The following FAM120A variants were observed in gnomAD, a reference collection of about 807,000 sequenced individuals.
FAM120A encodes constitutive coactivator of PPAR-gamma-like protein 1.
Under a neutral mutation model 109.7 loss-of-function variants are expected in FAM120A, and 15 were observed. That is an observed-to-expected ratio of 0.14 (90% CI 0.09 to 0.21). The LOEUF (loss-of-function observed/expected upper bound fraction) is 0.21. Among genes scored for constraint, FAM120A ranks in the 10% least tolerant of loss-of-function variants. FAM120A has a pLI of 1.00. For missense variants in FAM120A, 899 were observed against 1,439.3 expected (o/e 0.62, Z 6.07); for synonymous variants, 493 against 572.8 (o/e 0.86, Z 1.99).
At chr9:93,510,906 CG>C (rs1860288367) in intron 5 of FAM120A, among the ~76,000 whole-genome samples, 2 of 151,196 alleles carry the variant, frequency 1.3e-5, no homozygotes, top group Admixed American at 1.3e-4. Context: ...CGAATGATGC[CG>C]TATCTCGTGA....
At chr9:93,501,388 T>C (rs918493594) in intron 5 of FAM120A, among the ~76,000 whole-genome samples, 8 of 152,250 alleles carry the variant, frequency 5.3e-5, no homozygotes, top group African/African-American at 1.9e-4. Flanking sequence ...TTTGTGTTCT[T>C]ATCAAATTAT....
rs780962565 is a variant in FAM120A at position 93,561,224 on chromosome 9, G to C, written c.2922G>C (p.Val974=). The change falls in exon 16 of 18, where the codon GTG becomes GTC. Residue 974 remains valine, a synonymous_variant. Transcript: ENST00000277165. The stretch of plus-strand genomic sequence containing the variant: ...GCCGGGGGCCTTTCCCCCTGCAGGT[G>C]GTTTCTGTCGGAGGACCAGCTAGAG... ...RGGRGPFPLQ[V]VSVGGPARGR... is the part of the protein sequence containing the mutation. 4 of 1,612,746 alleles carry C rather than the reference G, an allele frequency of 2.5e-6. No homozygotes were observed. The highest frequency in any genetic ancestry group is 3.4e-6 in the Non-Finnish European group (4 of 1,179,670).
At chr9:93,521,473 C>A (rs1041313214) in intron 7 of FAM120A, among the ~76,000 whole-genome samples, 1 of 151,726 alleles carries the variant, frequency 6.6e-6, no homozygotes, top group African/African-American at 2.4e-5. Flanking sequence ...GTCCAGCAAC[C>A]TGGGTGGCTA....
chr9:93,516,801 CTG>C (rs58376576), intron 7 of FAM120A, among the ~76,000 whole-genome samples: 19,994 of 152,138 alleles, frequency 0.13, 2,925 homozygotes, highest in African/African-American at 0.36. Context: ...ATTTTAAACA[CTG>C]TGTGTCCCTG....
At chr9:93,499,678 G>A (rs62574545) in intron 5 of FAM120A, among the ~76,000 whole-genome samples, 43,787 of 152,162 alleles carry the variant, frequency 0.29, 7,242 homozygotes, top group South Asian at 0.63. Context: ...CATATTGAAC[G>A]TCTTGTGGAG....
chr9:93,505,351 C>G (rs1260146838), intron 5 of FAM120A, among the ~76,000 whole-genome samples: 7 of 151,876 alleles, frequency 4.6e-5, no homozygotes, highest in African/African-American at 1.7e-4. Context: ...TGAGCCACTG[C>G]GCCCGGCCTG....
intron 3 of FAM120A, among the ~76,000 whole-genome samples, chr9:93,476,770 A>T (rs1341018666): frequency 2.0e-5 from 3 of 152,158 alleles, no homozygotes; most frequent in African/African-American, 7.2e-5. Flanking sequence ...AGCTTTTTGG[A>T]TGATGAGGGA....
At chr9:93,461,470 T>G (rs758427268) in intron 1 of FAM120A, among the ~76,000 whole-genome samples, 18 of 152,230 alleles carry the variant, frequency 1.2e-4, no homozygotes, top group Non-Finnish European at 1.9e-4. Flanking sequence ...TTTTCCTAAA[T>G]TATGAAAATT....
At chr9:93,453,356 G>A (rs1350758446) in intron 1 of FAM120A, 1 of 985,578 alleles carries the variant, frequency 1.0e-6, no homozygotes, top group Non-Finnish European at 1.2e-6. Flanking sequence ...TGACTGTGAA[G>A]ATAAGCACAT....
intron 5 of FAM120A, among the ~76,000 whole-genome samples, chr9:93,505,652 G>A (rs1318361734): frequency 1.5e-4 from 23 of 152,232 alleles, no homozygotes. Context: ...AAGAAGGGTG[G>A]AAGTGCAGAT....
At chr9:93,479,281 G>A (rs1858695622) in intron 3 of FAM120A, among the ~76,000 whole-genome samples, 1 of 151,720 alleles carries the variant, frequency 6.6e-6, no homozygotes, top group Non-Finnish European at 1.5e-5. Flanking sequence ...TGTATTTTTA[G>A]TAGAGACGGG....
rs114458447 is a variant in FAM120A at position 93,500,911 on chromosome 9, T to C, written c.1030+2025T>C. Among the ~76,000 whole-genome samples, 856 of 152,350 alleles carry C rather than the reference T, an allele frequency of 5.6e-3. 10 individuals are homozygous for C. Among genetic ancestry groups the C allele is most frequent in the African/African-American group, 0.02 (819 of 41,578 alleles). On this transcript the variant is annotated intron_variant, in intron 5 of 17. Coordinates refer to ENST00000277165, the MANE Select transcript of FAM120A (RefSeq NM_014612.5). This position sits in a 1 kb window ranked among gnomAD's most constrained non-coding sequence, Gnocchi z 4.6. ...TTATAGAATGGGGTCATTATGTGAA[T>C]ATTAAAAGAGAAGGCGTATGTAAGG...
chr9:93,509,579 T>C (rs1860221904), intron 5 of FAM120A, among the ~76,000 whole-genome samples: 2 of 152,248 alleles, frequency 1.3e-5, no homozygotes, highest in Non-Finnish European at 2.9e-5. Context: ...TATTATACTA[T>C]TGCAGTATTT....
At chr9:93,478,013 A>G (rs1297734358) in intron 3 of FAM120A, among the ~76,000 whole-genome samples, 1 of 152,248 alleles carries the variant, frequency 6.6e-6, no homozygotes, top group African/African-American at 2.4e-5. Context: ...GTTTAACAAA[A>G]ACTATTTGGA....
chr9:93,544,739 A>C (rs1321613266), intron 11 of FAM120A, among the ~76,000 whole-genome samples: 1 of 152,094 alleles, frequency 6.6e-6, no homozygotes, highest in Non-Finnish European at 1.5e-5. Context: ...AGTGTCCTTT[A>C]TGACAAGGAA....
At chr9:93,541,911 T>C (rs1198133612) in intron 10 of FAM120A, among the ~76,000 whole-genome samples, 3 of 152,166 alleles carry the variant, frequency 2.0e-5, no homozygotes, top group Admixed American at 6.5e-5. Context: ...TGTATCCAAG[T>C]GTCTAACTCC....
At chr9:93,544,935 G>T (rs1564355068) in intron 11 of FAM120A, among the ~76,000 whole-genome samples, 1 of 152,188 alleles carries the variant, frequency 6.6e-6, no homozygotes, top group Non-Finnish European at 1.5e-5. Flanking sequence ...TAGAGGCCCT[G>T]TAAAGGTTTC....
In FAM120A at chr9:93,480,964, A is replaced by G. The variant is rs182727182; in HGVS notation, c.804+4626A>G. On this transcript the variant is annotated intron_variant, in intron 3 of 17. Coordinates refer to ENST00000277165, the MANE Select transcript of FAM120A (RefSeq NM_014612.5). ...AATGGAAGGCGTCAGGCAGCCTGGT[A>G]CCCAGAGAGCTGAGCCTGCAGAGCA... is the stretch of plus-strand genomic sequence containing the variant. Among the ~76,000 whole-genome samples, 354 of 152,288 alleles carry G rather than the reference A, an allele frequency of 2.3e-3. 1 individual carries two copies. The highest frequency in any genetic ancestry group is 8.3e-3 in the African/African-American group (344 of 41,572).
At chr9:93,507,450 G>A (rs895354594) in intron 5 of FAM120A, among the ~76,000 whole-genome samples, 1 of 152,170 alleles carries the variant, frequency 6.6e-6, no homozygotes, top group East Asian at 1.9e-4. Context: ...CTAGGATCCC[G>A]GTGGAGATGG....
Sources: allele counts gnomAD v4.1 joint callset (sites outside exome capture counted in the v4.1 genomes callset), GRCh38; gene constraint gnomAD v4.1.1; non-coding constraint Gnocchi (gnomAD v3.1); transcripts MANE v1.5; gene names NCBI Gene and HGNC (gene_info 2026-07-23, HGNC 2026-07-21).